Variants in HEATR4 observed in about 807,000 individuals in gnomAD.
HEATR4 encodes HEAT repeat containing 4.
In HEATR4, 95 loss-of-function variants were observed where a neutral mutation model predicts 108.8. The ratio of observed to expected loss-of-function variants is 0.87; its 90% confidence interval spans 0.74 to 1.04. The LOEUF (loss-of-function observed/expected upper bound fraction) is 1.04, where lower values mean the gene tolerates loss of function less well. Ranked by LOEUF, HEATR4 falls within the 50% of genes least tolerant of loss-of-function variation. The pLI is 0.00. For missense variants in HEATR4, 1,152 were observed against 1,253.8 expected (o/e 0.92, Z 1.23); for synonymous variants, 443 against 459.4 (o/e 0.96, Z 0.46).
chr14:73,511,612 C>T (rs1039846044), intron 7 of HEATR4, among the ~76,000 whole-genome samples: 2 of 150,454 alleles, frequency 1.3e-5, no homozygotes, highest in Admixed American at 6.6e-5. Context: ...CAGTGGCTCA[C>T]GCCTGTAATC....
chr14:73,549,500 G>GAAA, intron 1 of HEATR4, among the ~76,000 whole-genome samples: 1 of 123,658 alleles, frequency 8.1e-6, no homozygotes, highest in African/African-American at 2.7e-5. Context: ...ATTGAGGCAA[G>GAAA]GGGCAAAGCC....
At chr14:73,589,893 G>C in the HEATR4 span, among the ~76,000 whole-genome samples, 2 of 152,076 alleles carry the variant, frequency 1.3e-5, no homozygotes, top group East Asian at 3.9e-4. Context: ...AAACCTTTGC[G>C]GTGAGTGTTA....
chr14:73,630,819 C>A, the HEATR4 span, among the ~76,000 whole-genome samples: 1 of 152,120 alleles, frequency 6.6e-6, no homozygotes, highest in East Asian at 1.9e-4. Context: ...TGGCTAGCCT[C>A]AGGGAAGAAT....
chr14:73,520,694 A>G, intron 4 of HEATR4, 158 bp downstream of exon 4: 2 of 654,252 alleles, frequency 3.1e-6, no homozygotes, highest in East Asian at 2.6e-5. Context: ...CCCCGACCCA[A>G]CTCCTGTGCT....
At chr14:73,519,561 CT>C (rs1239798208) in intron 4 of HEATR4, among the ~76,000 whole-genome samples, 1 of 151,788 alleles carries the variant, frequency 6.6e-6, no homozygotes, top group African/African-American at 2.4e-5. Flanking sequence ...CTGGGCAACA[CT>C]GTAAGACCCC....
chr14:73,515,253 T>A (rs1429461542), intron 5 of HEATR4, among the ~76,000 whole-genome samples: 1 of 152,234 alleles, frequency 6.6e-6, no homozygotes, highest in East Asian at 1.9e-4. Context: ...TCTCATGTTC[T>A]AATCAGTCAC....
chr14:73,565,182 A>T, the HEATR4 span, among the ~76,000 whole-genome samples: 2 of 152,082 alleles, frequency 1.3e-5, no homozygotes, highest in South Asian at 4.1e-4. Context: ...CTAGACGTGG[A>T]GCTGAGTCAA....
intron 16 of HEATR4, 123 bp downstream of exon 16, chr14:73,495,105 A>AG: frequency 1.4e-6 from 1 of 728,386 alleles, no homozygotes; most frequent in Non-Finnish European, 2.2e-6. Flanking sequence ...CCAAGAGGGA[A>AG]GAGAGTACCC....
the HEATR4 span, among the ~76,000 whole-genome samples, chr14:73,615,031 G>C: frequency 6.7e-6 from 1 of 148,932 alleles, no homozygotes; most frequent in African/African-American, 2.5e-5. Context: ...AGAGGTTGCA[G>C]TGAGCCAAGA....
chr14:73,602,327 G>A, the HEATR4 span, among the ~76,000 whole-genome samples: 1 of 152,196 alleles, frequency 6.6e-6, no homozygotes, highest in African/African-American at 2.4e-5. Context: ...GATTTATCAT[G>A]AATGCAGGAT....
intron 1 of HEATR4, among the ~76,000 whole-genome samples, chr14:73,550,612 GTCTCTGCTGTCTCA>G (rs1889304738): frequency 9.0e-6 from 1 of 111,270 alleles, no homozygotes; most frequent in Non-Finnish European, 1.9e-5. Context: ...CCTACTGCCA[GTCTCTGCTGTCTCA>G]CCCTTATGAG....
At chr14:73,632,717 G>A in the HEATR4 span, among the ~76,000 whole-genome samples, 3 of 151,280 alleles carry the variant, frequency 2.0e-5, no homozygotes, top group South Asian at 2.1e-4. Context: ...AGTGGTTTGC[G>A]CCTATAATCC....
the HEATR4 span, among the ~76,000 whole-genome samples, chr14:73,600,199 G>C: frequency 6.6e-6 from 1 of 152,134 alleles, no homozygotes; most frequent in African/African-American, 2.4e-5. Flanking sequence ...TAGCAACTCT[G>C]AAACACACCG....
the HEATR4 span, among the ~76,000 whole-genome samples, chr14:73,579,570 T>C: frequency 1.3e-5 from 1 of 75,018 alleles, no homozygotes; most frequent in African/African-American, 6.3e-5. Flanking sequence ...GCAAAAGCCG[T>C]CTCAAAAAAA....
chr14:73,523,110 A>G lies in HEATR4; in HGVS notation c.43T>C (p.Phe15Leu), dbSNP rs1206901414. 1 of 1,608,846 alleles carries G rather than the reference A, an allele frequency of 6.2e-7. No homozygotes were observed. Among genetic ancestry groups the G allele is most frequent in the Non-Finnish European group, 8.5e-7 (1 of 1,179,948 alleles). Reference protein sequence around the residue: ...QKGKTFLPHCFYQSLPPRLGW... With the variant: ...QKGKTFLPHCLYQSLPPRLGW... ...AGTCGTGGGGGCAGTGACTGATAGA[A>G]GCAATGGGGGAGAAAGGTCTTTCCC... The change falls in exon 3 of 18, where the codon TTC becomes CTC. Residue 15 changes from phenylalanine to leucine, a missense_variant. Transcript: ENST00000553558.
At chr14:73,574,323 G>A in the HEATR4 span, 1 of 158,846 alleles carries the variant, frequency 6.3e-6, no homozygotes, top group Non-Finnish European at 1.4e-5. Flanking sequence ...GGAGTGCAAT[G>A]GCATGATCTC....
Position 73,500,638 on chromosome 14 carries a change from C to T in HEATR4, c.2198G>A (p.Ser733Asn). Residue 733 changes from serine (S) to asparagine (N), a missense_variant, in exon 12 of 18, where the codon AGC becomes AAC. By Grantham distance (46) the Ser-to-Asn change is conservative (BLOSUM62 1). Coordinates refer to ENST00000553558, the MANE Select transcript of HEATR4 (RefSeq NM_001220484.1). ...LKLMTAKLLP[S>N]FLHCFSDDFT... is the part of the protein sequence containing the mutation. ...GTCATCAGAGAAGCAGTGCAGGAAGCTTGGGAGAAGCTTGGCGGTCATAAG... is the reference window on the plus strand; with the variant it reads ...GTCATCAGAGAAGCAGTGCAGGAAGTTTGGGAGAAGCTTGGCGGTCATAAG... 1.2e-6 allele frequency: 2 copies of T among 1,614,208 alleles called. No homozygotes were observed. Among genetic ancestry groups the T allele is most frequent in the African/African-American group, 2.7e-5 (2 of 75,068 alleles).
intron 17 of HEATR4, chr14:73,491,505 C>T (rs1009056807): frequency 2.0e-6 from 3 of 1,513,850 alleles, no homozygotes; most frequent in Admixed American, 2.1e-5. Flanking sequence ...TCGTCCGGGG[C>T]CCCTGCGACG....
chr14:73,500,775 G>A lies in HEATR4; in HGVS notation c.2106-45C>T, dbSNP rs1249390116. On this transcript the variant is annotated intron_variant, in intron 11 of 17. Coordinates refer to ENST00000553558, the MANE Select transcript of HEATR4 (RefSeq NM_001220484.1). ...TTCCTTTCACCTCCTTAAACTTTCA[G>A]TACCTAACCCCCAACCCCCACTAAT... is the stretch of plus-strand genomic sequence containing the variant. The A allele has an allele frequency of 3.8e-6, 6 of 1,579,042 alleles. No homozygotes were observed. In the East Asian group the frequency reaches 9.0e-5, roughly 24 times the overall value.
Sources: allele counts gnomAD v4.1 joint callset (sites outside exome capture counted in the v4.1 genomes callset), GRCh38; gene constraint gnomAD v4.1.1; transcripts MANE v1.5; gene names NCBI Gene and HGNC (gene_info 2026-07-23, HGNC 2026-07-21).